The following ZNF385D variants were observed in gnomAD, a reference collection of about 807,000 sequenced individuals.
ZNF385D encodes the protein zinc finger protein 659.
In ZNF385D, 15 loss-of-function variants were observed where a neutral mutation model predicts 35.8. The observed-to-expected ratio is 0.42, with a 90% CI of 0.28 to 0.64. ZNF385D has a LOEUF of 0.64. Ranked by LOEUF, ZNF385D falls within the 30% of genes least tolerant of loss-of-function variation. ZNF385D has a pLI of 0.23. For missense variants in ZNF385D, 474 were observed against 494.6 expected (o/e 0.96, Z 0.39); for synonymous variants, 212 against 186.8 (o/e 1.13, Z -1.10).
intron 2 of ZNF385D, among the ~76,000 whole-genome samples, chr3:21,569,521 G>A (rs2063260625): frequency 6.6e-6 from 1 of 150,530 alleles, no homozygotes; most frequent in African/African-American, 2.5e-5. Context: ...TATCCAATTT[G>A]CCAGTCTGTG....
At chr3:22,261,106 TCCATCCATCC>T (rs1700606270) in intron 2 of ZNF385D, among the ~76,000 whole-genome samples, 1 of 151,594 alleles carries the variant, frequency 6.6e-6, no homozygotes, top group African/African-American at 2.4e-5. Context: ...CATCCATCCA[TCCATCCATCC>T]ATCCATCCAT....
At chr3:22,220,797 T>G (rs1235425046) in intron 2 of ZNF385D, among the ~76,000 whole-genome samples, 1 of 152,134 alleles carries the variant, frequency 6.6e-6, no homozygotes, top group East Asian at 1.9e-4. Flanking sequence ...TCCCTAAGTA[T>G]TATTTTCTAC....
chr3:21,781,963 T>C (rs1260745950), intron 3 of ZNF385D, among the ~76,000 whole-genome samples: 1 of 152,042 alleles, frequency 6.6e-6, no homozygotes, highest in Non-Finnish European at 1.5e-5. Flanking sequence ...CTGATAAAAA[T>C]GGCCTCTATG....
intron 1 of ZNF385D, among the ~76,000 whole-genome samples, chr3:21,734,982 AT>A (rs1177044466): frequency 6.6e-6 from 1 of 152,140 alleles, no homozygotes; most frequent in African/African-American, 2.4e-5. Flanking sequence ...GGCTGCAGTG[AT>A]TTATTGCTCC....
upstream of ZNF385D, chr3:21,751,450 G>C (rs2070081999): frequency 1.0e-6 from 1 of 986,800 alleles, no homozygotes; most frequent in African/African-American, 1.7e-5. Flanking sequence ...GAGGGACGTG[G>C]TTAAGGCGAG....
chr3:21,772,390 A>AAC (rs57422453), intron 3 of ZNF385D, among the ~76,000 whole-genome samples: 45,783 of 151,674 alleles, frequency 0.3, 7,678 homozygotes, highest in Middle Eastern at 0.47. Flanking sequence ...ACAACAACAA[A>AAC]AAAACAAGCT....
intron 2 of ZNF385D, among the ~76,000 whole-genome samples, chr3:22,329,837 A>G (rs1247324023): frequency 6.6e-6 from 1 of 152,230 alleles, no homozygotes; most frequent in Non-Finnish European, 1.5e-5. Context: ...TATAATTGAC[A>G]TAAAAATTAT....
At chr3:22,158,337 C>T (rs923614349) in intron 3 of ZNF385D, among the ~76,000 whole-genome samples, 1 of 151,934 alleles carries the variant, frequency 6.6e-6, no homozygotes, top group Non-Finnish European at 1.5e-5. Flanking sequence ...TATTGGAAAC[C>T]AGAGTTATTG....
chr3:22,165,321 G>C (rs1706241495), intron 3 of ZNF385D, among the ~76,000 whole-genome samples: 1 of 152,126 alleles, frequency 6.6e-6, no homozygotes, highest in Admixed American at 6.6e-5. Context: ...TTTAAAAATA[G>C]TCTATTAAGA....
At chr3:21,642,392 G>C (rs759536265) in intron 2 of ZNF385D, among the ~76,000 whole-genome samples, 2 of 151,834 alleles carry the variant, frequency 1.3e-5, no homozygotes, top group Non-Finnish European at 2.9e-5. Flanking sequence ...AAAAAACCTC[G>C]AGTATCACCC....
chr3:21,768,767 C>T (rs946044806), intron 3 of ZNF385D, among the ~76,000 whole-genome samples: 1 of 151,952 alleles, frequency 6.6e-6, no homozygotes, highest in Non-Finnish European at 1.5e-5. Context: ...GTTACGAACC[C>T]ACCGTCCCCC....
rs983274753 is a variant in ZNF385D, at chr3:21,413,022, T to C, written c.*8192A>G. ...CAAACTATGTGAATTGCCTTAATTA[T>C]TATTATTATTACTTTTTTTCAAGAA... On this transcript the variant is annotated 3_prime_UTR_variant, in exon 8 of 8. Coordinates refer to ENST00000281523, the MANE Select transcript of ZNF385D (RefSeq NM_024697.3). 1 of 151,846 alleles carries C rather than the reference T, an allele frequency of 6.6e-6. No individual in the cohort carries two copies. The highest frequency in any genetic ancestry group is 2.4e-5 in the African/African-American group (1 of 41,310). The allele number at this position is 151,846 out of a possible 1,614,324, so 9.4% of individuals were successfully genotyped here.
intron 3 of ZNF385D, among the ~76,000 whole-genome samples, chr3:21,960,920 T>G (rs907713137): frequency 6.6e-6 from 1 of 151,988 alleles, no homozygotes; most frequent in Admixed American, 6.6e-5. Context: ...TTAGAGGATA[T>G]GGAGAAGAGG....
intron 3 of ZNF385D, among the ~76,000 whole-genome samples, chr3:21,532,417 A>T (rs533928926): frequency 1.3e-5 from 2 of 152,304 alleles, no homozygotes; most frequent in Admixed American, 1.3e-4. Context: ...AGAGTGATGA[A>T]TTATATAAAT....
chr3:22,146,128 A>G (rs983968636), intron 3 of ZNF385D, among the ~76,000 whole-genome samples: 1 of 152,194 alleles, frequency 6.6e-6, no homozygotes, highest in African/African-American at 2.4e-5. Flanking sequence ...GAGTCATGCA[A>G]ACATTCGAAG....
At chr3:21,453,388 T>C (rs1559460639) in intron 4 of ZNF385D, among the ~76,000 whole-genome samples, 1 of 152,074 alleles carries the variant, frequency 6.6e-6, no homozygotes, top group East Asian at 1.9e-4. Context: ...CAAAATTAAG[T>C]TTTTTCGTGT....
intron 3 of ZNF385D, among the ~76,000 whole-genome samples, chr3:21,788,120 T>A (rs1316134328): frequency 6.6e-6 from 1 of 151,834 alleles, no homozygotes; most frequent in Non-Finnish European, 1.5e-5. Flanking sequence ...TAGGAATAAT[T>A]ACATTATCAA....
At chr3:21,937,538 G>A (rs1254557583) in intron 3 of ZNF385D, among the ~76,000 whole-genome samples, 1 of 151,890 alleles carries the variant, frequency 6.6e-6, no homozygotes, top group African/African-American at 2.4e-5. Context: ...ATGATGATGA[G>A]GTGTCCTTGA....
chr3:21,510,553 T>A (rs1707124544), intron 4 of ZNF385D, among the ~76,000 whole-genome samples: 1 of 152,186 alleles, frequency 6.6e-6, no homozygotes, highest in Non-Finnish European at 1.5e-5. Flanking sequence ...ATGCAAATGC[T>A]GCACACTGAA....
Sources: allele counts gnomAD v4.1 joint callset (sites outside exome capture counted in the v4.1 genomes callset), GRCh38; gene constraint gnomAD v4.1.1; transcripts MANE v1.5; gene names NCBI Gene and HGNC (gene_info 2026-07-23, HGNC 2026-07-21).